NUP160: variants seen among roughly 807,000 people sequenced by gnomAD.
NUP160 encodes the protein nuclear pore complex protein Nup160.
Under a neutral mutation model 196.9 loss-of-function variants are expected in NUP160, and 94 were observed. The observed-to-expected ratio is 0.48, with a 90% CI of 0.40 to 0.57. The LOEUF (loss-of-function observed/expected upper bound fraction) is 0.57, where lower values mean the gene tolerates loss of function less well. Among genes scored for constraint, NUP160 ranks in the 20% least tolerant of loss-of-function variants. The pLI is 0.00. For synonymous variants in NUP160, 605 were observed against 619.7 expected (o/e 0.98, Z 0.35); for missense variants, 1,638 against 1,748.3 (o/e 0.94, Z 1.13).
chr11:47,809,922 T>C (rs905214595), intron 17 of NUP160, among the ~76,000 whole-genome samples: 1 of 152,024 alleles, frequency 6.6e-6, no homozygotes, highest in African/African-American at 2.4e-5. Context: ...AAAAAACGTA[T>C]ATAGCAAAAT....
At chr11:47,822,421 C>T (rs192539346) in intron 7 of NUP160, among the ~76,000 whole-genome samples, 2 of 152,106 alleles carry the variant, frequency 1.3e-5, no homozygotes, top group Admixed American at 1.3e-4. Context: ...CCATGCCCGG[C>T]TAATTTTTGT....
At chr11:47,798,296 A>G (rs371676968) in intron 24 of NUP160, 34 bp from the exon 25 acceptor site, 3 of 1,554,630 alleles carry the variant, frequency 1.9e-6, no homozygotes, top group Non-Finnish European at 1.8e-6. Flanking sequence ...TATCAAAAAG[A>G]GCAATAGAAA....
chr11:47,834,405 C>G (rs1406261162), intron 7 of NUP160, among the ~76,000 whole-genome samples: 5 of 152,014 alleles, frequency 3.3e-5, no homozygotes, highest in Non-Finnish European at 7.4e-5. Context: ...TAGGTATGTT[C>G]AAATAGTTCA....
chr11:47,781,171 C>T (rs1278866142), intron 34 of NUP160, among the ~76,000 whole-genome samples: 2 of 151,752 alleles, frequency 1.3e-5, no homozygotes, highest in South Asian at 2.1e-4. Flanking sequence ...TACAGTGAGC[C>T]GAGATCATGC....
intron 7 of NUP160, among the ~76,000 whole-genome samples, chr11:47,822,417 C>T (rs1851878847): frequency 1.3e-5 from 2 of 151,982 alleles, no homozygotes; most frequent in African/African-American, 2.4e-5. Flanking sequence ...GCCACCATGC[C>T]CGGCTAATTT....
chr11:47,834,817 G>A (rs966165913), intron 7 of NUP160, among the ~76,000 whole-genome samples: 9 of 152,142 alleles, frequency 5.9e-5, no homozygotes, highest in East Asian at 1.9e-4. Context: ...GCCTGACTTC[G>A]GGGGGAGGAG....
chr11:47,788,803 A>C lies in NUP160; in HGVS notation c.3512-192T>G, dbSNP rs116865439. 1.9e-3 allele frequency among the ~76,000 whole-genome samples: 282 copies of C among 152,292 alleles called. 1 individual carries two copies. The highest frequency in any genetic ancestry group is 3.5e-3 in the Non-Finnish European group (238 of 68,020). ...ATTATGCAATATCCCATGTCAAATC[A>C]AAGTATTTTAACCGACTGCAGTTGA... On this transcript the variant is annotated intron_variant, in intron 29 of 35. Transcript: ENST00000378460.
At chr11:47,822,894 T>C (rs1320955112) in intron 7 of NUP160, among the ~76,000 whole-genome samples, 1 of 152,232 alleles carries the variant, frequency 6.6e-6, no homozygotes, top group Non-Finnish European at 1.5e-5. Context: ...ACAAAGGACA[T>C]GAACTCATCC....
chr11:47,842,424 G>T (rs1417793676), intron 2 of NUP160, among the ~76,000 whole-genome samples: 1 of 152,070 alleles, frequency 6.6e-6, no homozygotes, highest in Non-Finnish European at 1.5e-5. Flanking sequence ...CCTGCCTTAC[G>T]GTTAAAGTTG....
intron 11 of NUP160, among the ~76,000 whole-genome samples, chr11:47,817,605 G>C (rs949840715): frequency 6.6e-6 from 1 of 151,952 alleles, no homozygotes; most frequent in African/African-American, 2.4e-5. Flanking sequence ...TCAGCCTCCC[G>C]AAGTGCTGGG....
chr11:47,787,843 G>A (rs1345799319), intron 31 of NUP160, among the ~76,000 whole-genome samples: 8 of 151,902 alleles, frequency 5.3e-5, no homozygotes, highest in Admixed American at 2.0e-4. Flanking sequence ...TCAGCCTCCC[G>A]AGTAGCTGGG....
intron 35 of NUP160, among the ~76,000 whole-genome samples, chr11:47,779,831 G>A (rs527922286): frequency 1.0e-3 from 158 of 152,092 alleles, no homozygotes; most frequent in African/African-American, 3.5e-3. Context: ...GGGTTCAAGC[G>A]ATTCTCCTGC....
chr11:47,813,021 A>C, exon 15 of NUP160: 1 of 1,610,986 alleles, frequency 6.2e-7, no homozygotes, highest in Admixed American at 1.7e-5. Flanking sequence ...TTTATAAGAC[A>C]TATGACATCC....
intron 31 of NUP160, 64 bp from the exon 32 acceptor site, chr11:47,786,618 C>A: frequency 2.0e-6 from 2 of 982,628 alleles, no homozygotes; most frequent in South Asian, 2.6e-5. Context: ...TAATTTGATA[C>A]TAAAACTAGA....
chr11:47,813,250 A>C, intron 14 of NUP160, 66 bp downstream of exon 14: 1 of 1,219,698 alleles, frequency 8.2e-7, no homozygotes, highest in East Asian at 2.3e-5. Context: ...TTTTGTATCC[A>C]TGTGAAACGA....
At chr11:47,837,508 C>T (rs746245162) in intron 5 of NUP160, 37 bp downstream of exon 5, 1 of 1,534,132 alleles carries the variant, frequency 6.5e-7, no homozygotes, top group Admixed American at 1.7e-5. Context: ...AGATTAAATT[C>T]TTGGGCCCTT....
exon 16 of NUP160, chr11:47,812,408 A>G: frequency 1.2e-6 from 2 of 1,613,518 alleles, no homozygotes; most frequent in Non-Finnish European, 1.7e-6. Context: ...GTTTACTACA[A>G]ATATCCTCCA....
At position 47,804,448 on chromosome 11, in the gene NUP160, T is replaced by C. The variant is rs550712433; in HGVS notation, c.2676+101A>G. 38 of 746,848 alleles carry C rather than the reference T, an allele frequency of 5.1e-5. No individual in the cohort carries two copies. The East Asian group carries it at 8.1e-4, about 16-fold the overall frequency. 46.3% of individuals were successfully genotyped at this position (746,848 alleles called of 1,614,324 possible). On this transcript the variant is annotated intron_variant, in intron 21 of 35. Transcript: ENST00000378460. Reference sequence around the variant, plus strand: ...TCTTCACATAATCAAGTTTAAATTATTGTGGTTCTTTAAAATGCAGTTAAC... The same window carrying C: ...TCTTCACATAATCAAGTTTAAATTACTGTGGTTCTTTAAAATGCAGTTAAC...
intron 23 of NUP160, among the ~76,000 whole-genome samples, chr11:47,799,674 C>A (rs1164831675): frequency 6.6e-6 from 1 of 151,724 alleles, no homozygotes; most frequent in Non-Finnish European, 1.5e-5. Context: ...GCCACCTGAG[C>A]AGCTGGGACC....
Sources: allele counts gnomAD v4.1 joint callset (sites outside exome capture counted in the v4.1 genomes callset), GRCh38; gene constraint gnomAD v4.1.1; transcripts MANE v1.5; gene names NCBI Gene and HGNC (gene_info 2026-07-23, HGNC 2026-07-21).